The following TCF12 variants were observed in gnomAD, a reference collection of about 807,000 sequenced individuals.
TCF12 encodes the protein DNA-binding protein HTF4.
In TCF12, 45 loss-of-function variants were observed where a neutral mutation model predicts 86.0. The observed-to-expected ratio is 0.52, with a 90% confidence interval of 0.41 to 0.67. TCF12 has a LOEUF of 0.67. Among genes scored for constraint, TCF12 ranks in the 30% least tolerant of loss-of-function variants. The probability of loss-of-function intolerance (pLI) is 0.00; values close to 1 mark genes in which losing one functional copy is unlikely to be tolerated. For synonymous variants in TCF12, 330 were observed against 299.6 expected (o/e 1.10, Z -1.05); for missense variants, 881 against 859.9 (o/e 1.02, Z -0.31).
chr15:57,214,045 C>CT (rs1169148698), intron 8 of TCF12: 1 of 152,104 alleles, frequency 6.6e-6, no homozygotes, highest in Non-Finnish European at 1.5e-5. Flanking sequence ...TAATGATTCT[C>CT]TTACTGTGTT....
chr15:57,214,251 TTA>T (rs2058241167), intron 8 of TCF12: 1 of 152,206 alleles, frequency 6.6e-6, no homozygotes, highest in South Asian at 2.1e-4. Context: ...TTCTCAGTAA[TTA>T]TATAGTTCTG....
At chr15:57,010,270 G>A (rs1433737572) in intron 3 of TCF12, among the ~76,000 whole-genome samples, 1 of 151,900 alleles carries the variant, frequency 6.6e-6, no homozygotes, top group African/African-American at 2.4e-5. Flanking sequence ...ATTTGCTGGT[G>A]GGCAAGCAGA....
intron 5 of TCF12, among the ~76,000 whole-genome samples, chr15:57,104,853 T>G (rs1168989500): frequency 6.7e-6 from 1 of 148,534 alleles, no homozygotes; most frequent in Non-Finnish European, 1.5e-5. Context: ...TTGCTGGTCT[T>G]TGGTGGTGTT....
At chr15:57,269,553 T>C (rs909503775) in intron 18 of TCF12, among the ~76,000 whole-genome samples, 2 of 152,232 alleles carry the variant, frequency 1.3e-5, no homozygotes, top group Non-Finnish European at 2.9e-5. Flanking sequence ...TTAGCTCATT[T>C]ACATTTAAGG....
At chr15:57,244,043 T>G (rs1264154138) in intron 13 of TCF12, among the ~76,000 whole-genome samples, 2 of 152,088 alleles carry the variant, frequency 1.3e-5, no homozygotes, top group Non-Finnish European at 1.5e-5. Context: ...CGTGCCAAGC[T>G]AATTTTTTTA....
At chr15:56,978,812 A>G (rs2062746041) in intron 3 of TCF12, among the ~76,000 whole-genome samples, 1 of 152,190 alleles carries the variant, frequency 6.6e-6, no homozygotes, top group Non-Finnish European at 1.5e-5. Flanking sequence ...GGCCCAACTA[A>G]AAAGCCCAAG....
intron 14 of TCF12, among the ~76,000 whole-genome samples, chr15:57,251,981 T>A (rs1445273516): frequency 3.3e-5 from 5 of 152,208 alleles, no homozygotes; most frequent in African/African-American, 4.8e-5. Context: ...TTCTAGATAT[T>A]TGAGCGTGAA....
chr15:57,091,779 C>T lies in TCF12; in HGVS notation c.223-10C>T, dbSNP rs1343025607. The T allele has an allele frequency of 6.2e-7, 1 of 1,606,928 alleles. No individual in the cohort carries two copies. The highest frequency in any genetic ancestry group is 8.5e-7 in the Non-Finnish European group (1 of 1,174,192). ...ATCTCTTTAATACTCTGATCTTTTT[C>T]TCCCCCTAGGGTTTTACAGACAGCC... On this transcript the variant is annotated splice_polypyrimidine_tract_variant and intron_variant, in intron 4 of 20. Coordinates refer to ENST00000333725, the MANE Select transcript of TCF12 (RefSeq NM_207037.2).
At chr15:57,089,653 G>A (rs2951899) in intron 4 of TCF12, among the ~76,000 whole-genome samples, 86,125 of 151,152 alleles carry the variant, frequency 0.57, 24,738 homozygotes, top group Admixed American at 0.61. Flanking sequence ...GAACTGGGAG[G>A]ATACAAAATT....
intron 2 of TCF12, among the ~76,000 whole-genome samples, chr15:56,920,344 T>C (rs2059727123): frequency 6.6e-6 from 1 of 152,154 alleles, no homozygotes; most frequent in African/African-American, 2.4e-5. Flanking sequence ...GTTGTTTTTT[T>C]CTTCAGTACT....
chr15:57,175,329 G>A (rs1442455274), intron 6 of TCF12, among the ~76,000 whole-genome samples: 1 of 152,128 alleles, frequency 6.6e-6, no homozygotes, highest in African/African-American at 2.4e-5. Context: ...CTTCACTCCA[G>A]CCTGGGTGAC....
At chr15:57,165,369 A>T (rs2615246) in intron 5 of TCF12, among the ~76,000 whole-genome samples, 4,203 of 152,238 alleles carry the variant, frequency 0.028, 192 homozygotes, top group African/African-American at 0.096. Context: ...TCAAGATAAA[A>T]ACCATGTAAT....
chr15:56,996,330 AAGT>A (rs754859874), intron 3 of TCF12, among the ~76,000 whole-genome samples: 18 of 152,176 alleles, frequency 1.2e-4, no homozygotes, highest in Non-Finnish European at 2.4e-4. Flanking sequence ...GAGAACCCAA[AAGT>A]AAAGCCACAC....
intron 3 of TCF12, among the ~76,000 whole-genome samples, chr15:56,987,267 C>A (rs982203081): frequency 2.6e-5 from 4 of 152,094 alleles, no homozygotes; most frequent in African/African-American, 9.7e-5. Context: ...GTGCCCGCCA[C>A]CACGCCCGGC....
chr15:57,108,156 T>A (rs577168572), intron 5 of TCF12, among the ~76,000 whole-genome samples: 10 of 152,320 alleles, frequency 6.6e-5, no homozygotes, highest in African/African-American at 2.4e-4. Flanking sequence ...AAAATCAAGA[T>A]AATCTGTATT....
At chr15:57,001,004 TAA>T (rs1199006233) in intron 3 of TCF12, among the ~76,000 whole-genome samples, 13 of 142,928 alleles carry the variant, frequency 9.1e-5, no homozygotes, top group Non-Finnish European at 1.1e-4. Flanking sequence ...TTTAAAAATT[TAA>T]AAAAAATTTT....
chr15:57,100,083 C>T (rs1214129709), intron 5 of TCF12, among the ~76,000 whole-genome samples: 2 of 152,042 alleles, frequency 1.3e-5, no homozygotes, highest in African/African-American at 4.8e-5. Context: ...TATAGTGGGC[C>T]AGTTGCATAG....
chr15:57,180,939 T>G (rs947979389), intron 6 of TCF12, among the ~76,000 whole-genome samples: 1 of 149,242 alleles, frequency 6.7e-6, no homozygotes, highest in African/African-American at 2.5e-5. Context: ...CTCAGCCTCC[T>G]GAGTGGCTGG....
At chr15:57,060,933 C>T (rs1359273915) in intron 3 of TCF12, among the ~76,000 whole-genome samples, 1 of 152,186 alleles carries the variant, frequency 6.6e-6, no homozygotes, top group Non-Finnish European at 1.5e-5. Flanking sequence ...TAAAAGATGA[C>T]TCTTGCCTTT....
Sources: allele counts gnomAD v4.1 joint callset (sites outside exome capture counted in the v4.1 genomes callset), GRCh38; gene constraint gnomAD v4.1.1; transcripts MANE v1.5; gene names NCBI Gene and HGNC (gene_info 2026-07-23, HGNC 2026-07-21).